DNM3: variants seen among roughly 807,000 people sequenced by gnomAD.
The protein encoded by DNM3 is dynamin-3.
A neutral mutation model predicts 101.6 loss-of-function variants in DNM3; 47 were observed. The ratio of observed to expected loss-of-function variants is 0.46; its 90% confidence interval spans 0.37 to 0.59. The LOEUF (loss-of-function observed/expected upper bound fraction) is 0.59, where lower values mean the gene tolerates loss of function less well. DNM3 is among the 20% of genes least tolerant of loss of function. DNM3 has a pLI of 0.00. For missense variants in DNM3, 849 were observed against 1,085.7 expected (o/e 0.78, Z 3.06); for synonymous variants, 385 against 387.9 (o/e 0.99, Z 0.09).
intron 2 of DNM3, among the ~76,000 whole-genome samples, chr1:171,969,526 T>C (rs1025686294): frequency 4.6e-5 from 7 of 152,190 alleles, no homozygotes; most frequent in African/African-American, 1.4e-4. Flanking sequence ...GAAGTCTGTC[T>C]GGACATGGTG....
At chr1:172,031,265 G>A (rs576994489) in intron 4 of DNM3, among the ~76,000 whole-genome samples, 10 of 152,212 alleles carry the variant, frequency 6.6e-5, no homozygotes, top group Admixed American at 5.2e-4. Flanking sequence ...CATGAATGAA[G>A]CTGGAAGCCA....
chr1:171,891,850 T>C (rs1301023036), intron 1 of DNM3, among the ~76,000 whole-genome samples: 7 of 152,192 alleles, frequency 4.6e-5, no homozygotes, highest in African/African-American at 1.7e-4. Flanking sequence ...TGTCAGGCTT[T>C]CCCTTTCTAT....
chr1:172,193,848 GTC>G (rs1274795822), intron 14 of DNM3, among the ~76,000 whole-genome samples: 1 of 151,978 alleles, frequency 6.6e-6, no homozygotes, highest in Non-Finnish European at 1.5e-5. Flanking sequence ...AATTTTTTGT[GTC>G]TCTGTTTCCT....
intron 14 of DNM3, among the ~76,000 whole-genome samples, chr1:172,252,588 A>G (rs1203937423): frequency 1.3e-5 from 2 of 152,126 alleles, no homozygotes; most frequent in Non-Finnish European, 2.9e-5. Flanking sequence ...GGGTAACACC[A>G]GAGATGTAAC....
chr1:172,270,021 T>C (rs2063021532), intron 15 of DNM3, among the ~76,000 whole-genome samples: 1 of 152,106 alleles, frequency 6.6e-6, no homozygotes, highest in Non-Finnish European at 1.5e-5. Context: ...ATTGGAATAA[T>C]CAGGTTTTTA....
chr1:172,298,511 C>T (rs10911519), intron 15 of DNM3, among the ~76,000 whole-genome samples: 1,650 of 152,264 alleles, frequency 0.011, 30 homozygotes, highest in African/African-American at 0.037. Context: ...AAAGACAGCT[C>T]GACCAAGAAT....
At chr1:172,209,828 T>C (rs1022029474) in intron 14 of DNM3, among the ~76,000 whole-genome samples, 2 of 152,122 alleles carry the variant, frequency 1.3e-5, no homozygotes, top group Non-Finnish European at 2.9e-5. Flanking sequence ...TGGGTTTAAA[T>C]AGCTAAGTAG....
intron 15 of DNM3, among the ~76,000 whole-genome samples, chr1:172,283,473 C>A (rs1368031025): frequency 6.6e-6 from 1 of 151,876 alleles, no homozygotes; most frequent in Non-Finnish European, 1.5e-5. Context: ...TATAGAAAAC[C>A]AAGTCAGGCT....
chr1:171,983,097 T>G (rs182116821), intron 2 of DNM3, among the ~76,000 whole-genome samples: 29 of 152,244 alleles, frequency 1.9e-4, no homozygotes, highest in Admixed American at 1.9e-3. Flanking sequence ...AATTCTCTCT[T>G]GACTTCACAT....
Position 172,407,816 on chromosome 1 carries a change from C to G in DNM3, c.2567C>G (p.Pro856Arg), listed in dbSNP as rs754437828. Reference protein sequence around the residue: ...PSPTRPTIIRPLESSLLD With the variant: ...PSPTRPTIIRRLESSLLD ...CCAACTCGTCCCACTATAATCCGCC[C>G]ACTAGAATCCTCCCTGTTAGACTAA... The change falls in exon 21 of 21, where the codon CCA (proline) becomes CGA (arginine). Residue 856 changes from proline to arginine, a missense_variant. Transcript: ENST00000627582. 8 of 1,613,280 alleles carry G rather than the reference C, an allele frequency of 5.0e-6. No homozygotes were observed. The highest frequency in any genetic ancestry group is 6.8e-6 in the Non-Finnish European group (8 of 1,179,364).
intron 11 of DNM3, among the ~76,000 whole-genome samples, chr1:172,076,251 T>C (rs904424083): frequency 6.6e-6 from 1 of 152,242 alleles, no homozygotes; most frequent in Non-Finnish European, 1.5e-5. Flanking sequence ...TACAATCATG[T>C]CATCTGCAAA....
intron 14 of DNM3, among the ~76,000 whole-genome samples, chr1:172,203,109 C>T (rs2060208282): frequency 6.6e-6 from 1 of 152,146 alleles, no homozygotes; most frequent in Non-Finnish European, 1.5e-5. Context: ...ATTTAAACTT[C>T]TGCTTAGTCT....
At chr1:172,062,662 C>T (rs1327420888) in intron 10 of DNM3, among the ~76,000 whole-genome samples, 1 of 152,184 alleles carries the variant, frequency 6.6e-6, no homozygotes, top group African/African-American at 2.4e-5. Flanking sequence ...TTCCTGCCAA[C>T]TTCACTTTGA....
At chr1:172,170,736 A>C (rs116300730) in intron 14 of DNM3, among the ~76,000 whole-genome samples, 1 of 151,910 alleles carries the variant, frequency 6.6e-6, no homozygotes, top group African/African-American at 2.4e-5. Context: ...CATTCTCTAC[A>C]TCTCACCTTC....
chr1:171,936,024 T>C (rs2041392443), intron 2 of DNM3, among the ~76,000 whole-genome samples: 1 of 151,968 alleles, frequency 6.6e-6, no homozygotes, highest in Non-Finnish European at 1.5e-5. Flanking sequence ...GGTGTTTTTT[T>C]TTTTTAAGAC....
intron 20 of DNM3, among the ~76,000 whole-genome samples, chr1:172,391,385 G>T (rs146978217): frequency 1.0e-3 from 154 of 152,222 alleles, no homozygotes; most frequent in African/African-American, 3.6e-3. Flanking sequence ...ACTCTGTCAG[G>T]ATCCCCATGC....
intron 1 of DNM3, among the ~76,000 whole-genome samples, chr1:171,879,138 A>G (rs1009410137): frequency 4.6e-5 from 7 of 152,192 alleles, no homozygotes; most frequent in Non-Finnish European, 8.8e-5. Context: ...TTCTGCTCAC[A>G]CTCAGTAAAA....
chr1:172,223,792 T>C (rs1262132176), intron 14 of DNM3, among the ~76,000 whole-genome samples: 1 of 152,220 alleles, frequency 6.6e-6, no homozygotes, highest in Non-Finnish European at 1.5e-5. Context: ...TTCGTACTTG[T>C]TCTGTCTACT....
chr1:172,121,481 A>G (rs2056317384), intron 13 of DNM3, among the ~76,000 whole-genome samples: 1 of 152,256 alleles, frequency 6.6e-6, no homozygotes, highest in Non-Finnish European at 1.5e-5. Context: ...TGCCCTCATT[A>G]TGTGAGCATG....
Sources: allele counts gnomAD v4.1 joint callset (sites outside exome capture counted in the v4.1 genomes callset), GRCh38; gene constraint gnomAD v4.1.1; transcripts MANE v1.5; gene names NCBI Gene and HGNC (gene_info 2026-07-23, HGNC 2026-07-21).